Variants in PPP2R2A observed in about 807,000 individuals in gnomAD.
PPP2R2A encodes the protein protein phosphatase 2 regulatory subunit Balpha.
In PPP2R2A, 9 loss-of-function variants were observed where a neutral mutation model predicts 53.2. That is an observed-to-expected ratio of 0.17 (90% CI 0.10 to 0.30). The LOEUF is 0.30. Ranked by LOEUF, PPP2R2A falls within the 10% of genes least tolerant of loss-of-function variation. The pLI is 1.00. For missense variants in PPP2R2A, 235 were observed against 534.6 expected (o/e 0.44, Z 5.53); for synonymous variants, 169 against 174.2 (o/e 0.97, Z 0.23).
intron 2 of PPP2R2A, among the ~76,000 whole-genome samples, chr8:26,296,098 C>T (rs1801528823): frequency 6.6e-6 from 1 of 152,222 alleles, no homozygotes. Context: ...TGCATACCTG[C>T]TTTCACCTCT....
chr8:26,357,283 A>AACCCC (rs1804834951), intron 4 of PPP2R2A, among the ~76,000 whole-genome samples: 2 of 105,156 alleles, frequency 1.9e-5, no homozygotes, highest in African/African-American at 3.4e-5. Flanking sequence ...GCATAGTAAC[A>AACCCC]CCCCCCCCCC....
chr8:26,360,966 A>T lies in PPP2R2A; in HGVS notation c.460-8A>T, dbSNP rs1381189202. ...GTAATTTCTGTTTTTCATGTGTCTTATTGACAGGTGCCAGTCTTTAGGCCT... is the reference window on the plus strand; with the variant it reads ...GTAATTTCTGTTTTTCATGTGTCTTTTTGACAGGTGCCAGTCTTTAGGCCT... On this transcript the variant is annotated splice_polypyrimidine_tract_variant and splice_region_variant and intron_variant, in intron 5 of 9. Transcript: ENST00000380737. The surrounding 1 kb of genome is among the most constrained non-coding windows in gnomAD (Gnocchi z 4.5). The T allele has an allele frequency of 1.3e-6, 2 of 1,582,340 alleles. No homozygotes were observed. The highest frequency in any genetic ancestry group is 8.5e-7 in the Non-Finnish European group (1 of 1,172,662).
rs1418599121 is a variant in PPP2R2A at position 26,372,642 on chromosome 8, G to C, written c.*2229G>C. Reference sequence around the variant, plus strand: ...CAGCCACTCATTTTACATGGCCATGGTTAATCTTTTTATTAATAAAAATTA... The same window carrying C: ...CAGCCACTCATTTTACATGGCCATGCTTAATCTTTTTATTAATAAAAATTA... On this transcript the variant is annotated 3_prime_UTR_variant, in exon 10 of 10. Coordinates refer to ENST00000380737, the MANE Select transcript of PPP2R2A (RefSeq NM_002717.4). The C allele has an allele frequency of 6.6e-6, 1 of 152,096 alleles. No individual in the cohort carries two copies. The highest frequency in any genetic ancestry group is 1.5e-5 in the Non-Finnish European group (1 of 68,022). The allele number at this position is 152,096 out of a possible 1,614,324, so 9.4% of individuals were successfully genotyped here.
At chr8:26,317,720 A>C (rs984127102) in intron 2 of PPP2R2A, among the ~76,000 whole-genome samples, 1 of 152,222 alleles carries the variant, frequency 6.6e-6, no homozygotes, top group Non-Finnish European at 1.5e-5. Context: ...ATTATTGACC[A>C]AACTACTTTA....
chr8:26,313,183 G>A (rs771456643), intron 2 of PPP2R2A, among the ~76,000 whole-genome samples: 21 of 151,718 alleles, frequency 1.4e-4, no homozygotes, highest in East Asian at 9.8e-4. Context: ...ACAGATGCGC[G>A]CCACCATGCC....
chr8:26,301,877 G>A (rs1301858304), intron 2 of PPP2R2A, among the ~76,000 whole-genome samples: 1 of 152,114 alleles, frequency 6.6e-6, no homozygotes, highest in African/African-American at 2.4e-5. Flanking sequence ...CAAGACAGTA[G>A]CACAAAAGAG....
rs1455346635 is a variant in PPP2R2A at position 26,291,650 on chromosome 8, G to T, written c.-170G>T. On this transcript the variant is annotated 5_prime_UTR_variant, in exon 1 of 10. Coordinates refer to ENST00000380737, the MANE Select transcript of PPP2R2A (RefSeq NM_002717.4). ...CAGAGTGAAATCTAGCATCCTGCCG[G>T]CTGGTCTGCCCGCCCCTCCTTCCTT... 4 of 649,686 alleles carry T rather than the reference G, an allele frequency of 6.2e-6. No homozygotes were observed. The highest frequency in any genetic ancestry group is 1.0e-5 in the Non-Finnish European group (4 of 381,772). The allele number at this position is 649,686 out of a possible 1,614,324, so 40.2% of individuals were successfully genotyped here.
chr8:26,338,870 G>A lies in PPP2R2A; in HGVS notation c.83-20G>A, dbSNP rs769992615. 6.7e-7 allele frequency: 1 copy of A among 1,498,554 alleles called. No homozygotes were observed. The highest frequency in any genetic ancestry group is 9.2e-7 in the Non-Finnish European group (1 of 1,090,390). The allele number at this position is 1,498,554 out of a possible 1,614,324, so 92.8% of individuals were successfully genotyped here. On this transcript the variant is annotated intron_variant, in intron 2 of 9. Transcript: ENST00000380737. The surrounding 1 kb of genome is among the most constrained non-coding windows in gnomAD (Gnocchi z 4.5). ...GAAAGAAAAACTAATATCTTTTTTT[G>A]TTTTGTCTCAATTATACAGCAGATA...
intron 3 of PPP2R2A, among the ~76,000 whole-genome samples, chr8:26,346,049 C>G (rs1444219006): frequency 6.6e-6 from 1 of 151,814 alleles, no homozygotes; most frequent in Non-Finnish European, 1.5e-5. Context: ...CTTTATTACC[C>G]TACATTATGT....
At chr8:26,355,889 A>G (rs1163012302) in intron 4 of PPP2R2A, among the ~76,000 whole-genome samples, 1 of 150,196 alleles carries the variant, frequency 6.7e-6, no homozygotes, top group East Asian at 2.0e-4. Flanking sequence ...AAAAAAAGTT[A>G]GTAATGACTC....
chr8:26,353,246 G>A (rs1804610223), intron 3 of PPP2R2A, among the ~76,000 whole-genome samples: 1 of 152,166 alleles, frequency 6.6e-6, no homozygotes, highest in Admixed American at 6.5e-5. Flanking sequence ...TCCCCGATAT[G>A]TGGATCGTTT....
chr8:26,318,515 T>C (rs755374523), intron 2 of PPP2R2A, among the ~76,000 whole-genome samples: 1 of 152,232 alleles, frequency 6.6e-6, no homozygotes, highest in African/African-American at 2.4e-5. Flanking sequence ...TGTATAATTG[T>C]GGAAGCTCTG....
chr8:26,296,258 A>G lies in PPP2R2A; in HGVS notation c.82+2518A>G, dbSNP rs954824093. ...AGTCTACAAGTGGATCACTGTATCC[A>G]CTGGATTAGGAATTAAGTTCAAACA... On this transcript the variant is annotated intron_variant, in intron 2 of 9. Transcript: ENST00000380737. 2.6e-5 allele frequency among the ~76,000 whole-genome samples: 4 copies of G among 152,228 alleles called. No individual in the cohort carries two copies. The East Asian group carries it at 5.8e-4, about 22-fold the overall frequency.
chr8:26,363,701 T>C lies in PPP2R2A; in HGVS notation c.803-20T>C. On this transcript the variant is annotated intron_variant, in intron 7 of 9. Transcript: ENST00000380737. The stretch of plus-strand genomic sequence containing the variant: ...TATTGTACACCTTGCCCTTTTTGTG[T>C]TGTTTTGTTTTGTTTTTAGTGTTTG... 1 of 1,541,388 alleles carries C rather than the reference T, an allele frequency of 6.5e-7. No individual in the cohort carries two copies. Among genetic ancestry groups the C allele is most frequent in the Admixed American group, 1.9e-5 (1 of 54,050 alleles).
chr8:26,360,950 G>A lies in PPP2R2A; in HGVS notation c.460-24G>A, dbSNP rs1364551879. 26 of 1,566,918 alleles carry A rather than the reference G, an allele frequency of 1.7e-5. No homozygotes were observed. The highest frequency in any genetic ancestry group is 2.1e-5 in the Non-Finnish European group (25 of 1,167,554). On this transcript the variant is annotated intron_variant, in intron 5 of 9. Coordinates refer to ENST00000380737, the MANE Select transcript of PPP2R2A (RefSeq NM_002717.4). This position sits in a 1 kb window ranked among gnomAD's most constrained non-coding sequence, Gnocchi z 4.5. The stretch of plus-strand genomic sequence containing the variant: ...TGAAACTGAGCCTTTTGTAATTTCT[G>A]TTTTTCATGTGTCTTATTGACAGGT...
intron 2 of PPP2R2A, among the ~76,000 whole-genome samples, chr8:26,303,632 A>C (rs1352722113): frequency 1.3e-5 from 2 of 152,178 alleles, no homozygotes; most frequent in African/African-American, 4.8e-5. Context: ...CATTCTAAGG[A>C]TGTAGTATCA....
In PPP2R2A at chr8:26,363,741, C is replaced by G. The variant is rs1328255035; in HGVS notation, c.823C>G (p.Pro275Ala). ...TTTAGTGTTTGAAGAACCTGAAGAT[C>G]CCAGTAACAGGTCATTTTTTTCCGA... ...HSKLFEEPEDPSNRSFFSEII... is the reference protein window; with the variant it reads ...HSKLFEEPEDASNRSFFSEII... Residue 275 changes from proline to alanine, a missense_variant, in exon 8 of 10, where the codon CCC becomes GCC. Physicochemically the swap from Pro to Ala is conservative, Grantham distance 27. Around this residue, in one of 3 missense-constraint regions of PPP2R2A, gnomAD observed 181 missense variants for 409.9 expected, o/e 0.44. Transcript: ENST00000380737. 7 of 1,595,728 alleles carry G rather than the reference C, an allele frequency of 4.4e-6. No individual in the cohort carries two copies. Among genetic ancestry groups the G allele is most frequent in the Non-Finnish European group, 6.0e-6 (7 of 1,169,310 alleles).
intron 8 of PPP2R2A, chr8:26,365,438 C>T (rs1323806111): frequency 1.3e-5 from 2 of 152,062 alleles, no homozygotes; most frequent in East Asian, 1.9e-4. Context: ...TTAAAATAGA[C>T]ACTGAAAATA....
chr8:26,298,188 A>T (rs1801626749), intron 2 of PPP2R2A, among the ~76,000 whole-genome samples: 1 of 152,168 alleles, frequency 6.6e-6, no homozygotes, highest in Admixed American at 6.6e-5. Flanking sequence ...TTTTTGTTTC[A>T]ATTTTTGGTT....
Sources: gnomAD v4.1 joint callset for allele counts (sites outside exome capture counted in the v4.1 genomes callset) on GRCh38, gnomAD v4.1.1 for gene constraint, gnomAD v4.1.1 regional missense constraint, Gnocchi (gnomAD v3.1) non-coding constraint, MANE v1.5 for transcripts, NCBI Gene and HGNC (gene_info 2026-07-23, HGNC 2026-07-21) for gene names.